GPR89B: variants seen among roughly 807,000 people sequenced by gnomAD.
The protein encoded by GPR89B is G protein-coupled receptor 89B.
A neutral mutation model predicts 52.4 loss-of-function variants in GPR89B; 25 were observed. The ratio of observed to expected loss-of-function variants is 0.48; its 90% CI spans 0.35 to 0.67. GPR89B has a LOEUF of 0.67. GPR89B is among the 30% of genes least tolerant of loss of function. The pLI is 0.01. For missense variants in GPR89B, 146 were observed against 450.2 expected (o/e 0.32, Z 6.11); for synonymous variants, 52 against 151.2 (o/e 0.34, Z 4.81).
At chr1:147,928,695 C>G (rs1653242297) in intron 1 of GPR89B, 117 bp downstream of exon 1, 7 of 1,425,474 alleles carry the variant, frequency 4.9e-6, no homozygotes, top group Non-Finnish European at 6.9e-6. Flanking sequence ...GCGGCCTGCG[C>G]CAGTCACTCT....
chr1:148,015,738 A>T, the GPR89B span, among the ~76,000 whole-genome samples: 2 of 149,374 alleles, frequency 1.3e-5, no homozygotes, highest in Admixed American at 1.3e-4. Flanking sequence ...TGTTCTAGTC[A>T]TTCTTGTACG....
At chr1:147,989,385 A>G (rs1228416070) in intron 12 of GPR89B, among the ~76,000 whole-genome samples, 4 of 152,072 alleles carry the variant, frequency 2.6e-5, no homozygotes, top group South Asian at 2.1e-4. Context: ...CCAAGATCCT[A>G]TAAATGGCAT....
chr1:148,010,259 G>A, the GPR89B span: 1 of 152,192 alleles, frequency 6.6e-6, no homozygotes, highest in Non-Finnish European at 1.5e-5. Flanking sequence ...TTTCTCTCTT[G>A]TGCAGATCTC....
At chr1:147,973,811 T>TG (rs1459645890) in intron 10 of GPR89B, among the ~76,000 whole-genome samples, 1 of 151,744 alleles carries the variant, frequency 6.6e-6, no homozygotes, top group East Asian at 1.9e-4. Context: ...GTTTTACATT[T>TG]AAGTCTTTAA....
At position 147,991,658 on chromosome 1, in the gene GPR89B, G is replaced by A. The variant is rs1208476032; in HGVS notation, c.1096-844G>A. Among the ~76,000 whole-genome samples the A allele has an allele frequency of 3.3e-5, 5 of 152,226 alleles. No individual in the cohort carries two copies. The East Asian group carries it at 5.8e-4, about 18-fold the overall frequency. ...AATTTATTGAGTTTTTAGCATGAAGGGCTGTTGAATTTTGTCAAAGGCCTT... is the reference window on the plus strand; with the variant it reads ...AATTTATTGAGTTTTTAGCATGAAGAGCTGTTGAATTTTGTCAAAGGCCTT... On this transcript the variant is annotated intron_variant, in intron 12 of 13. Coordinates refer to ENST00000314163, the MANE Select transcript of GPR89B (RefSeq NM_016334.5).
At chr1:148,009,425 A>G in the GPR89B span, 2 of 1,610,190 alleles carry the variant, frequency 1.2e-6, no homozygotes, top group Non-Finnish European at 1.7e-6. Context: ...AAGTTTGCAC[A>G]CCTCCATTCA....
At chr1:147,951,619 A>G (rs1436845163) in intron 5 of GPR89B, among the ~76,000 whole-genome samples, 3 of 151,956 alleles carry the variant, frequency 2.0e-5, no homozygotes, top group Non-Finnish European at 4.4e-5. Context: ...TACAAGAGAG[A>G]GGAGACAGAT....
At chr1:147,995,696 G>A, downstream of GPR89B, 1 of 1,608,504 alleles carries the variant, frequency 6.2e-7, no homozygotes. Context: ...GGAAACAATA[G>A]GGATTTTCTT....
chr1:148,021,620 C>T, the GPR89B span, among the ~76,000 whole-genome samples: 1 of 151,652 alleles, frequency 6.6e-6, no homozygotes, highest in Non-Finnish European at 1.5e-5. Flanking sequence ...GGAGAGGGGC[C>T]TCGGACCTTC....
the GPR89B span, among the ~76,000 whole-genome samples, chr1:148,021,673 A>T: frequency 6.6e-6 from 1 of 151,754 alleles, no homozygotes; most frequent in Admixed American, 6.6e-5. Context: ...GGCAAAATGA[A>T]GAATGGGCCC....
At chr1:147,937,154 AAG>A (rs1208707930) in intron 2 of GPR89B, among the ~76,000 whole-genome samples, 2 of 151,646 alleles carry the variant, frequency 1.3e-5, no homozygotes, top group Non-Finnish European at 2.9e-5. Flanking sequence ...AAAGAGTACA[AAG>A]AGAGAAATTT....
chr1:147,951,030 G>A (rs1305962378), intron 5 of GPR89B, among the ~76,000 whole-genome samples: 2 of 151,998 alleles, frequency 1.3e-5, no homozygotes, highest in East Asian at 3.9e-4. Context: ...TGTCATAAAA[G>A]AGCCAATGAA....
At position 147,940,320 on chromosome 1, in the gene GPR89B, C is replaced by G. The variant is rs587630720; in HGVS notation, c.206+1503C>G. Among the ~76,000 whole-genome samples the G allele has an allele frequency of 8.1e-3, 1,228 of 151,600 alleles. 11 individuals carry two copies. The highest frequency in any genetic ancestry group is 0.025 in the African/African-American group (1,054 of 41,370). On this transcript the variant is annotated intron_variant, in intron 3 of 13. Coordinates refer to ENST00000314163, the MANE Select transcript of GPR89B (RefSeq NM_016334.5). Reference sequence around the variant, plus strand: ...TGGGGGGCTGAGGCAGGAGAATGGCCTGAACCCAGGAGGCAGAGCTTGCAG... The same window carrying G: ...TGGGGGGCTGAGGCAGGAGAATGGCGTGAACCCAGGAGGCAGAGCTTGCAG...
At chr1:148,025,869 C>T in the GPR89B span, 3 of 147,260 alleles carry the variant, frequency 2.0e-5, no homozygotes, top group Non-Finnish European at 4.4e-5. Flanking sequence ...TCTACCAGCA[C>T]ATTGATCTTG....
chr1:147,947,407 T>C (rs1655076781), intron 5 of GPR89B, among the ~76,000 whole-genome samples: 1 of 150,542 alleles, frequency 6.6e-6, no homozygotes, highest in South Asian at 2.1e-4. Context: ...GTACTTCTTG[T>C]GCTGTGTCTG....
the GPR89B span, among the ~76,000 whole-genome samples, chr1:148,006,399 G>A: frequency 2.3e-4 from 35 of 152,180 alleles, no homozygotes; most frequent in East Asian, 3.3e-3. Flanking sequence ...GGAAGAACCC[G>A]AATGCATTTA....
rs1656972858 is a variant in GPR89B at position 147,965,637 on chromosome 1, G to A, written c.618-917G>A. 5.9e-5 allele frequency among the ~76,000 whole-genome samples: 9 copies of A among 152,118 alleles called. No individual in the cohort carries two copies. In the South Asian group the frequency reaches 1.9e-3, roughly 32 times the overall value. On this transcript the variant is annotated intron_variant, in intron 7 of 13. Transcript: ENST00000314163. ...GAGGACCAGGAGTGGTAGGTTTCCT[G>A]TTGACTTATTCACCTGTAGGACAGA...
chr1:147,994,994 G>T (rs1659281062), downstream of GPR89B, among the ~76,000 whole-genome samples: 1 of 152,044 alleles, frequency 6.6e-6, no homozygotes, highest in African/African-American at 2.4e-5. Context: ...ATAAAACTGA[G>T]ACTTACCAAG....
intron 10 of GPR89B, among the ~76,000 whole-genome samples, chr1:147,973,025 G>T (rs1657585433): frequency 6.6e-6 from 1 of 151,294 alleles, no homozygotes; most frequent in Non-Finnish European, 1.5e-5. Flanking sequence ...ATTCCATGGT[G>T]TATATGTACC....
Sources: allele counts gnomAD v4.1 joint callset (sites outside exome capture counted in the v4.1 genomes callset), GRCh38; gene constraint gnomAD v4.1.1; transcripts MANE v1.5; gene names NCBI Gene and HGNC (gene_info 2026-07-23, HGNC 2026-07-21).